Variants in KDM3B observed in about 807,000 individuals in gnomAD.
The protein encoded by KDM3B is lysine-specific demethylase 3B.
KDM3B carries 10 observed loss-of-function variants against 170.0 expected under a neutral mutation model. That is an observed-to-expected ratio of 0.06 (90% CI 0.04 to 0.10). KDM3B has a LOEUF of 0.10. KDM3B is among the 10% of genes least tolerant of loss of function. The pLI, the probability that KDM3B is intolerant of heterozygous loss-of-function variation, is 1.00. For missense variants in KDM3B, 1,394 were observed against 2,195.2 expected, an observed-to-expected ratio of 0.64 and a Z score of 7.29; for synonymous variants, 831 against 834.8, an observed-to-expected ratio of 1.00 and a Z score of 0.08.
intron 1 of KDM3B, among the ~76,000 whole-genome samples, chr5:138,361,244 ATCT>A (rs1453592378): frequency 6.6e-6 from 1 of 151,776 alleles, no homozygotes; most frequent in Non-Finnish European, 1.5e-5. Flanking sequence ...CGAAAGCATC[ATCT>A]TTTGCTCTTG....
At position 138,391,908 on chromosome 5, in the gene KDM3B, A is replaced by G. The variant is rs201353286; in HGVS notation, c.2276A>G (p.Asn759Ser). ...RPTVGPGQQDNPLLKTFSNVF... is the reference protein window; with the variant it reads ...RPTVGPGQQDSPLLKTFSNVF... Reference sequence around the variant, plus strand: ...ACTGTGGGGCCTGGGCAGCAGGACAATCCCCTCCTCAAAACCTTTAGTAAC... The same window carrying G: ...ACTGTGGGGCCTGGGCAGCAGGACAGTCCCCTCCTCAAAACCTTTAGTAAC... Residue 759 changes from asparagine (N) to serine (S), a missense_variant, in exon 8 of 24, where the codon AAT becomes AGT. Physicochemically the swap from Asn to Ser is conservative, Grantham distance 46 (BLOSUM62 1). Transcript: ENST00000314358. The surrounding 1 kb of genome is among the most constrained non-coding windows in gnomAD (Gnocchi z 5.0). The G allele has an allele frequency of 1.0e-4, 162 of 1,613,566 alleles. No individual in the cohort carries two copies. The East Asian group carries it at 2.5e-3, about 25-fold the overall frequency.
chr5:138,396,967 C>T (rs1762563301), intron 9 of KDM3B, among the ~76,000 whole-genome samples: 1 of 152,144 alleles, frequency 6.6e-6, no homozygotes, highest in African/African-American at 2.4e-5. Flanking sequence ...GGGCGGATCG[C>T]TTAAGCCCAG....
chr5:138,391,267 G>A lies in KDM3B; in HGVS notation c.1635G>A (p.Glu545=). 1 of 1,614,122 alleles carries A rather than the reference G, an allele frequency of 6.2e-7. No individual in the cohort carries two copies. Among genetic ancestry groups the A allele is most frequent in the Non-Finnish European group, 8.5e-7 (1 of 1,180,022 alleles). The change falls in exon 8 of 24, where the codon GAG becomes GAA. Residue 545 remains glutamate, a synonymous_variant. Transcript: ENST00000314358. The surrounding 1 kb of genome is among the most constrained non-coding windows in gnomAD (Gnocchi z 5.0). ...GTAACTACTTCACTACTGTTTCAGAGAGTTTGGCTGATGATTCTTCTAGTC... is the reference window on the plus strand; with the variant it reads ...GTAACTACTTCACTACTGTTTCAGAAAGTTTGGCTGATGATTCTTCTAGTC... ...PTSNYFTTVS[E]SLADDSSSRD...
At chr5:138,355,296 A>G (rs969860658) in intron 1 of KDM3B, among the ~76,000 whole-genome samples, 4 of 152,226 alleles carry the variant, frequency 2.6e-5, no homozygotes, top group Admixed American at 2.6e-4. Context: ...TTGAAAACAC[A>G]CTTCTTAATT....
chr5:138,402,443 G>T (rs1382816477), intron 11 of KDM3B, among the ~76,000 whole-genome samples: 1 of 152,052 alleles, frequency 6.6e-6, no homozygotes, highest in Non-Finnish European at 1.5e-5. Context: ...TGTATCTTGG[G>T]CTAGTTACTT....
At chr5:138,423,306 A>G (rs921877829) in intron 15 of KDM3B, among the ~76,000 whole-genome samples, 11 of 152,222 alleles carry the variant, frequency 7.2e-5, no homozygotes, top group Non-Finnish European at 1.3e-4. Context: ...TTTTATGTAT[A>G]CTTGTTCATC....
At chr5:138,361,536 G>C (rs1761610680) in intron 1 of KDM3B, among the ~76,000 whole-genome samples, 1 of 152,058 alleles carries the variant, frequency 6.6e-6, no homozygotes, top group Non-Finnish European at 1.5e-5. Flanking sequence ...CTATAAGAAG[G>C]GTCCTTGATG....
At chr5:138,363,737 G>A (rs950316516) in intron 1 of KDM3B, among the ~76,000 whole-genome samples, 2 of 151,914 alleles carry the variant, frequency 1.3e-5, no homozygotes, top group Non-Finnish European at 2.9e-5. Flanking sequence ...TAGTAGAGAC[G>A]GGGTTTCACC....
At chr5:138,417,808 A>G in intron 13 of KDM3B, 198 bp downstream of exon 13, 1 of 530,092 alleles carries the variant, frequency 1.9e-6, no homozygotes, top group Non-Finnish European at 3.4e-6. Flanking sequence ...GTTTCTCTTC[A>G]TCTTTAAACC....
At chr5:138,425,343 T>A in intron 16 of KDM3B, 68 bp from the exon 17 acceptor site, 1 of 1,482,986 alleles carries the variant, frequency 6.7e-7, no homozygotes, top group Non-Finnish European at 9.2e-7. Context: ...ACCCTCCTAT[T>A]CTGTCTCAGC....
At chr5:138,426,012 A>T (rs1358107678) in intron 17 of KDM3B, among the ~76,000 whole-genome samples, 2 of 152,150 alleles carry the variant, frequency 1.3e-5, no homozygotes, top group African/African-American at 4.8e-5. Flanking sequence ...TCAAAAATAA[A>T]TAAATAAATA....
chr5:138,356,933 C>T (rs997281150), intron 1 of KDM3B, among the ~76,000 whole-genome samples: 4 of 151,668 alleles, frequency 2.6e-5, no homozygotes, highest in Non-Finnish European at 4.4e-5. Flanking sequence ...CGTGAGCCAC[C>T]GGGCCTGGCC....
At chr5:138,357,338 G>A (rs533282284) in intron 1 of KDM3B, among the ~76,000 whole-genome samples, 247 of 151,576 alleles carry the variant, frequency 1.6e-3, no homozygotes, top group African/African-American at 5.7e-3. Flanking sequence ...TCCCCATCTT[G>A]AACCTATATA....
At position 138,379,619 on chromosome 5, in the gene KDM3B, T is replaced by C; in HGVS notation, c.616T>C (p.Tyr206His). 1 of 1,613,720 alleles carries C rather than the reference T, an allele frequency of 6.2e-7. No homozygotes were observed. The change falls in exon 5 of 24, where the codon TAT becomes CAT. Residue 206 changes from tyrosine to histidine, a missense_variant. This residue lies in a region of KDM3B where 166 missense variants were observed against 216.4 expected (regional missense o/e 0.77). Coordinates refer to ENST00000314358, the MANE Select transcript of KDM3B (RefSeq NM_016604.4). ...YSVQGHRVKI[Y>H]QPEGEEGWLY... ...TGTTCAAGGTCACAGGGTCAAAATA[T>C]ATCAGCCAGAGGGGGAAGAAGGGTG... is the stretch of plus-strand genomic sequence containing the variant.
intron 1 of KDM3B, among the ~76,000 whole-genome samples, chr5:138,361,144 A>G (rs1286716696): frequency 6.6e-6 from 1 of 152,162 alleles, no homozygotes; most frequent in African/African-American, 2.4e-5. Context: ...GGGATGCAAC[A>G]CCTGTTGATG....
At chr5:138,412,786 A>G (rs1204793981) in intron 11 of KDM3B, among the ~76,000 whole-genome samples, 1 of 152,106 alleles carries the variant, frequency 6.6e-6, no homozygotes, top group East Asian at 1.9e-4. Context: ...AAACAAGCCC[A>G]TTTTTTTGTT....
At chr5:138,367,536 G>A (rs988350449) in intron 1 of KDM3B, among the ~76,000 whole-genome samples, 2 of 152,076 alleles carry the variant, frequency 1.3e-5, no homozygotes, top group African/African-American at 4.8e-5. Context: ...ACCACAAAGA[G>A]AAATGAAAGC....
At chr5:138,364,058 A>G (rs529134770) in intron 1 of KDM3B, among the ~76,000 whole-genome samples, 2 of 151,962 alleles carry the variant, frequency 1.3e-5, no homozygotes, top group Admixed American at 1.3e-4. Flanking sequence ...CTGGGATTAC[A>G]GGTGCCACGC....
At chr5:138,356,282 T>G (rs1041900306) in intron 1 of KDM3B, among the ~76,000 whole-genome samples, 1 of 152,220 alleles carries the variant, frequency 6.6e-6, no homozygotes, top group Admixed American at 6.5e-5. Flanking sequence ...TATGTATTTT[T>G]TATTTTATTA....
Sources: allele counts gnomAD v4.1 joint callset (sites outside exome capture counted in the v4.1 genomes callset), GRCh38; gene constraint gnomAD v4.1.1; regional missense constraint gnomAD v4.1.1; non-coding constraint Gnocchi (gnomAD v3.1); transcripts MANE v1.5; gene names NCBI Gene and HGNC (gene_info 2026-07-23, HGNC 2026-07-21).